The following ANGPT1 variants were observed in gnomAD, a reference collection of about 807,000 sequenced individuals.
The protein encoded by ANGPT1 is angiopoietin 1, also known as angiopoietin-1.
In ANGPT1, 17 loss-of-function variants were observed where a neutral mutation model predicts 62.2. That is an observed-to-expected ratio of 0.27 (90% CI 0.19 to 0.41). The LOEUF (loss-of-function observed/expected upper bound fraction) is 0.41, where lower values mean the gene tolerates loss of function less well. Ranked by LOEUF, ANGPT1 falls within the 10% of genes least tolerant of loss-of-function variation. The probability of loss-of-function intolerance (pLI) is 1.00; values close to 1 mark genes in which losing one functional copy is unlikely to be tolerated. For missense variants in ANGPT1, 478 were observed against 594.9 expected, an observed-to-expected ratio of 0.80 and a Z score of 2.04; for synonymous variants, 199 against 198.9, an observed-to-expected ratio of 1.00 and a Z score of 0.00.
intron 1 of ANGPT1, among the ~76,000 whole-genome samples, chr8:107,376,138 A>G (rs1328520555): frequency 1.3e-5 from 2 of 152,174 alleles, no homozygotes; most frequent in Non-Finnish European, 2.9e-5. Context: ...TTTAACCTTA[A>G]GAAGTAGAGC....
intron 2 of ANGPT1, among the ~76,000 whole-genome samples, chr8:107,342,144 C>T (rs902527162): frequency 2.0e-5 from 3 of 152,210 alleles, no homozygotes; most frequent in Non-Finnish European, 4.4e-5. Flanking sequence ...CAGTAGACTG[C>T]TTCTGTTCAA....
intron 7 of ANGPT1, among the ~76,000 whole-genome samples, chr8:107,277,509 A>C (rs181595295): frequency 1.3e-5 from 2 of 152,310 alleles, no homozygotes; most frequent in Admixed American, 6.5e-5. Context: ...CTACCTTCCC[A>C]CAACCATTTC....
At chr8:107,335,259 G>A (rs1815533182) in intron 3 of ANGPT1, among the ~76,000 whole-genome samples, 2 of 152,068 alleles carry the variant, frequency 1.3e-5, no homozygotes, top group Non-Finnish European at 2.9e-5. Context: ...GTGCCTTCCT[G>A]GTGTGGAATA....
intron 1 of ANGPT1, among the ~76,000 whole-genome samples, chr8:107,489,910 C>A (rs1323651193): frequency 2.7e-5 from 4 of 147,096 alleles, no homozygotes; most frequent in African/African-American, 1.0e-4. Flanking sequence ...TGCATCTAAG[C>A]AAATGACACA....
chr8:107,455,202 C>T (rs571288065), intron 1 of ANGPT1, among the ~76,000 whole-genome samples: 3 of 152,030 alleles, frequency 2.0e-5, no homozygotes, highest in South Asian at 2.1e-4. Flanking sequence ...CAGAGCCTTT[C>T]GTGATCTCCA....
chr8:107,440,487 C>G (rs1811447010), intron 1 of ANGPT1, among the ~76,000 whole-genome samples: 1 of 152,112 alleles, frequency 6.6e-6, no homozygotes. Context: ...TCAGTAAATA[C>G]AAATATGCAG....
rs1276359212 is a variant in ANGPT1, at chr8:107,379,825, T to C, written c.298-32728A>G. Among the ~76,000 whole-genome samples the C allele has an allele frequency of 2.0e-5, 3 of 152,302 alleles. No individual in the cohort carries two copies. The East Asian group carries it at 5.8e-4, about 29-fold the overall frequency. ...AAGAAAAAGTGAATTTATTCAACTT[T>C]TTAAGCTACTAAAAGCGTGCAAATT... On this transcript the variant is annotated intron_variant, in intron 1 of 8. Transcript: ENST00000517746.
chr8:107,428,229 A>G (rs185565630), intron 1 of ANGPT1, among the ~76,000 whole-genome samples: 5 of 152,250 alleles, frequency 3.3e-5, no homozygotes, highest in African/African-American at 1.2e-4. Flanking sequence ...TTCACCTTTT[A>G]TGTTTCCATC....
At chr8:107,374,857 GGAGAT>G (rs1376650686) in intron 1 of ANGPT1, among the ~76,000 whole-genome samples, 1 of 152,074 alleles carries the variant, frequency 6.6e-6, no homozygotes, top group Non-Finnish European at 1.5e-5. Flanking sequence ...ATTTAGCTAG[GGAGAT>G]AAGAAATGCT....
chr8:107,493,552 A>G (rs1177638056), intron 1 of ANGPT1, among the ~76,000 whole-genome samples: 2 of 150,726 alleles, frequency 1.3e-5, no homozygotes, highest in Admixed American at 6.6e-5. Context: ...ACCATAGGTT[A>G]TAGTCCTTGC....
chr8:107,263,114 G>A (rs1026614462), intron 8 of ANGPT1, among the ~76,000 whole-genome samples: 1 of 141,146 alleles, frequency 7.1e-6, no homozygotes, highest in Non-Finnish European at 1.5e-5. Context: ...AGCACTTTGG[G>A]AGAGCAAGGT....
chr8:107,296,562 G>A (rs1205280055), intron 5 of ANGPT1, among the ~76,000 whole-genome samples: 1 of 151,982 alleles, frequency 6.6e-6, no homozygotes, highest in African/African-American at 2.4e-5. Context: ...AAAATCAGAT[G>A]GCATAGTTTC....
chr8:107,400,701 A>G (rs905611008), intron 1 of ANGPT1, among the ~76,000 whole-genome samples: 1 of 151,734 alleles, frequency 6.6e-6, no homozygotes, highest in Non-Finnish European at 1.5e-5. Flanking sequence ...CTGGGACTAC[A>G]GGGGCCTGCC....
At chr8:107,385,840 GC>G (rs1283265961) in intron 1 of ANGPT1, among the ~76,000 whole-genome samples, 1 of 152,008 alleles carries the variant, frequency 6.6e-6, no homozygotes, top group Non-Finnish European at 1.5e-5. Flanking sequence ...TTAGCATGAA[GC>G]CATGTTGTAT....
chr8:107,422,886 C>T (rs980318123), intron 1 of ANGPT1, among the ~76,000 whole-genome samples: 19 of 152,182 alleles, frequency 1.2e-4, no homozygotes, highest in African/African-American at 4.6e-4. Flanking sequence ...CTAAATGATA[C>T]GTGAAAAACT....
chr8:107,419,713 A>T (rs1416912048), intron 1 of ANGPT1, among the ~76,000 whole-genome samples: 1 of 152,116 alleles, frequency 6.6e-6, no homozygotes, highest in Admixed American at 6.6e-5. Flanking sequence ...ACAAGGAGAG[A>T]GAGACAGGGA....
chr8:107,393,426 T>A (rs1184808167), intron 1 of ANGPT1, among the ~76,000 whole-genome samples: 1 of 152,210 alleles, frequency 6.6e-6, no homozygotes, highest in Non-Finnish European at 1.5e-5. Context: ...CCTAAAAATG[T>A]GAGTTATATT....
At chr8:107,354,881 C>G (rs1816008310) in intron 1 of ANGPT1, among the ~76,000 whole-genome samples, 1 of 149,570 alleles carries the variant, frequency 6.7e-6, no homozygotes, top group Non-Finnish European at 1.5e-5. Flanking sequence ...TCTTTTCCTT[C>G]TTTTTCTACA....
chr8:107,484,579 T>C (rs1404815192), intron 1 of ANGPT1, among the ~76,000 whole-genome samples: 1 of 152,012 alleles, frequency 6.6e-6, no homozygotes, highest in Non-Finnish European at 1.5e-5. Flanking sequence ...CTAATTCTTG[T>C]ATATTATTTT....
Sources: gnomAD v4.1 joint callset for allele counts (sites outside exome capture counted in the v4.1 genomes callset) on GRCh38, gnomAD v4.1.1 for gene constraint, MANE v1.5 for transcripts, NCBI Gene and HGNC (gene_info 2026-07-23, HGNC 2026-07-21) for gene names.